TIAM2: variants seen among roughly 807,000 people sequenced by gnomAD.
The protein encoded by TIAM2 is TIAM Rac1 associated GEF 2.
Under a neutral mutation model 152.9 loss-of-function variants are expected in TIAM2, and 80 were observed. That is an observed-to-expected ratio of 0.52 (90% CI 0.44 to 0.63). The LOEUF (loss-of-function observed/expected upper bound fraction) is 0.63. TIAM2 is among the 30% of genes least tolerant of loss of function. The probability of loss-of-function intolerance (pLI) is 0.00; values close to 1 mark genes in which losing one functional copy is unlikely to be tolerated. For missense variants in TIAM2, 1,965 were observed against 2,120.1 expected, an observed-to-expected ratio of 0.93 and a Z score of 1.44; for synonymous variants, 804 against 838.0, an observed-to-expected ratio of 0.96 and a Z score of 0.70.
intron 7 of TIAM2, among the ~76,000 whole-genome samples, chr6:155,158,777 G>GTT (rs10643930): frequency 7.3e-4 from 107 of 145,890 alleles, no homozygotes; most frequent in Non-Finnish European, 7.5e-4. Flanking sequence ...GGCTGCAAGT[G>GTT]TTTTTTTTTT....
At chr6:155,095,460 A>T (rs986993582) in intron 2 of TIAM2, among the ~76,000 whole-genome samples, 6 of 152,150 alleles carry the variant, frequency 3.9e-5, no homozygotes, top group African/African-American at 1.4e-4. Flanking sequence ...GTGTGTTGAT[A>T]ATGATGGAAA....
rs546489431 is a variant in TIAM2 at position 155,039,180 on chromosome 6, T to C, written c.-209+43688T>C. ...TTTGCCATGTTGTCAAGGCTGGTCT[T>C]GAACTCCTGGGTTCAAGCGATCCTC... On this transcript the variant is annotated intron_variant, in intron 1 of 26. Transcript: ENST00000682666. Among the ~76,000 whole-genome samples, 16 of 151,800 alleles carry C rather than the reference T, an allele frequency of 1.1e-4. 1 individual carries two copies. Among genetic ancestry groups the C allele is most frequent in the African/African-American group, 3.6e-4 (15 of 41,478 alleles).
intron 14 of TIAM2, among the ~76,000 whole-genome samples, chr6:155,193,061 C>T (rs978866722): frequency 2.0e-5 from 3 of 152,136 alleles, no homozygotes; most frequent in African/African-American, 7.2e-5. Context: ...TATGGAATCA[C>T]TAAGTTATGT....
At chr6:155,172,664 ATATATATATATATATATATATATTTTTTT>A (rs1488903067) in intron 9 of TIAM2, among the ~76,000 whole-genome samples, 309 of 7,512 alleles carry the variant, frequency 0.041, 3 homozygotes, top group African/African-American at 0.1. Flanking sequence ...ATATATATAT[ATATATATATATATATATATATATTTTTTT>A]TTTTTTTTTT....
intron 2 of TIAM2, among the ~76,000 whole-genome samples, chr6:155,120,112 ATGAAC>A (rs1282131984): frequency 6.6e-6 from 1 of 152,208 alleles, no homozygotes; most frequent in Non-Finnish European, 1.5e-5. Context: ...TACTAAGGTG[ATGAAC>A]TGGACAAAAA....
intron 15 of TIAM2, chr6:155,217,216 C>A: frequency 1.9e-6 from 2 of 1,061,184 alleles, no homozygotes; most frequent in Non-Finnish European, 2.5e-6. Flanking sequence ...GACTGATATG[C>A]AGATGAGAAG....
chr6:155,241,516 G>A (rs1234030901), intron 16 of TIAM2, among the ~76,000 whole-genome samples: 6 of 152,132 alleles, frequency 3.9e-5, no homozygotes, highest in Admixed American at 3.3e-4. Flanking sequence ...TTCTCTAAAT[G>A]TCTTCCAACT....
chr6:155,137,452 C>T lies in TIAM2; in HGVS notation c.1470C>T (p.Leu490=), dbSNP rs765393597. Residue 490 remains leucine, a synonymous_variant, in exon 5 of 27, where the codon CTC becomes CTT. Coordinates refer to ENST00000682666, the MANE Select transcript of TIAM2 (RefSeq NM_012454.4). ...CCGCCGAGTCCAGCAGCGAGTCACT[C>T]AGCTCTCTGGAACAGCTGGATCTGC... is the stretch of plus-strand genomic sequence containing the variant. ...TETAESSSES[L]SSLEQLDLLF... 1.9e-6 allele frequency: 3 copies of T among 1,614,250 alleles called. No individual in the cohort carries two copies. The Admixed American group carries it at 5.0e-5, about 27-fold the overall frequency.
In TIAM2 at chr6:155,104,056, C is replaced by CACA. The variant is rs1562316977; in HGVS notation, c.-118+13677_-118+13678insACA. On this transcript the variant is annotated intron_variant, in intron 2 of 26. Transcript: ENST00000682666. Reference sequence around the variant, plus strand: ...CACACACACACCCCCCCCCCCACACCCCCACACACCCCCACACACCAAATT... The same window carrying CACA: ...CACACACACACCCCCCCCCCCACACCACACCCACACACCCCCACACACCAAATT... Among the ~76,000 whole-genome samples, 151 of 55,614 alleles carry CACA rather than the reference C, an allele frequency of 2.7e-3. 3 individuals are homozygous for CACA. Among genetic ancestry groups the CACA allele is most frequent in the African/African-American group, 0.012 (142 of 11,512 alleles). The allele number at this position is 55,614 out of a possible 152,430, so 36.5% of individuals were successfully genotyped here. A position where few individuals can be genotyped will look rare whatever the true frequency, so the allele number is the denominator to read the frequency against.
At chr6:155,099,918 A>G (rs1778516653) in intron 2 of TIAM2, among the ~76,000 whole-genome samples, 1 of 152,232 alleles carries the variant, frequency 6.6e-6, no homozygotes, top group African/African-American at 2.4e-5. Context: ...ATGGCATGTG[A>G]CTGTAGTGAA....
chr6:155,074,167 A>G (rs894258773), intron 1 of TIAM2, among the ~76,000 whole-genome samples: 2 of 152,210 alleles, frequency 1.3e-5, no homozygotes, highest in African/African-American at 4.8e-5. Flanking sequence ...TGATATGGCT[A>G]CAAGGGATCT....
intron 2 of TIAM2, among the ~76,000 whole-genome samples, chr6:155,118,423 CTTTTTCTTTTTCTTTTTTT>C (rs1356709388): frequency 8.9e-6 from 1 of 112,170 alleles, no homozygotes; most frequent in Non-Finnish European, 1.7e-5. Context: ...TTTTCTTTTT[CTTTTTCTTTTTCTTTTTTT>C]TTTTTTTTGA....
chr6:155,104,034 A>C (rs866486307), intron 2 of TIAM2, among the ~76,000 whole-genome samples: 59 of 95,810 alleles, frequency 6.2e-4, no homozygotes, highest in African/African-American at 2.0e-3. Context: ...TACCTCACAC[A>C]CACACACCCC....
intron 1 of TIAM2, among the ~76,000 whole-genome samples, chr6:155,044,736 C>T (rs1257126869): frequency 1.3e-5 from 2 of 151,716 alleles, no homozygotes; most frequent in Admixed American, 6.6e-5. Context: ...TGTTTGAACC[C>T]GGGAGGCAGA....
At position 155,174,516 on chromosome 6, in the gene TIAM2, G is replaced by C. The variant is rs568289255; in HGVS notation, c.2362-2300G>C. Among the ~76,000 whole-genome samples, 88 of 152,220 alleles carry C rather than the reference G, an allele frequency of 5.8e-4. No individual in the cohort carries two copies. The highest frequency in any genetic ancestry group is 1.6e-3 in the African/African-American group (65 of 41,548). Reference sequence around the variant, plus strand: ...CTCCTGAGTAGCTGGGGCTACAGACGCGTGCCACCATGCCCGGATAATTTT... The same window carrying C: ...CTCCTGAGTAGCTGGGGCTACAGACCCGTGCCACCATGCCCGGATAATTTT... On this transcript the variant is annotated intron_variant, in intron 9 of 26. Transcript: ENST00000682666. This position sits in a 1 kb window ranked among gnomAD's most constrained non-coding sequence, Gnocchi z 4.2.
intron 15 of TIAM2, among the ~76,000 whole-genome samples, chr6:155,229,911 C>T (rs756678759): frequency 1.3e-5 from 2 of 152,042 alleles, no homozygotes; most frequent in African/African-American, 2.4e-5. Context: ...CATCAGATCT[C>T]GTGAGACTTA....
At chr6:155,133,212 T>G (rs1779485993) in intron 4 of TIAM2, among the ~76,000 whole-genome samples, 1 of 152,142 alleles carries the variant, frequency 6.6e-6, no homozygotes, top group Non-Finnish European at 1.5e-5. Context: ...CTGGGCATGC[T>G]GGCATGTGCC....
rs761358749 is a variant in TIAM2 at position 155,211,200 on chromosome 6, G to C, written c.3065-4G>C. The C allele has an allele frequency of 6.2e-6, 10 of 1,611,676 alleles. No individual in the cohort carries two copies. The Admixed American group carries it at 1.7e-4, about 27-fold the overall frequency. On this transcript the variant is annotated splice_polypyrimidine_tract_variant and splice_region_variant and intron_variant, in intron 14 of 26. Transcript: ENST00000682666. ...CATATATGTTTTTGTCATTTTTTAT[G>C]CAGATTTCAGCAACGTCCCTGATAT...
At chr6:155,127,748 C>A in intron 3 of TIAM2, 148 bp downstream of exon 3, 1 of 389,326 alleles carries the variant, frequency 2.6e-6, no homozygotes, top group Non-Finnish European at 5.0e-6. Context: ...CATTTAACTT[C>A]TGTTTTGTGG....
Sources: gnomAD v4.1 joint callset for allele counts (sites outside exome capture counted in the v4.1 genomes callset) on GRCh38, gnomAD v4.1.1 for gene constraint, Gnocchi (gnomAD v3.1) non-coding constraint, MANE v1.5 for transcripts, NCBI Gene and HGNC (gene_info 2026-07-23, HGNC 2026-07-21) for gene names.